The following OR8G5 variants were observed in gnomAD, a reference collection of about 807,000 sequenced individuals.
OR8G5 encodes the protein olfactory receptor family 8 subfamily G member 5.
For synonymous variants in OR8G5, 147 were observed against 147.7 expected (o/e 1.00, Z 0.03); for missense variants, 347 against 371.9 (o/e 0.93, Z 0.55).
chr11:124,258,793 A>G (rs1429383761), intron 1 of OR8G5, among the ~76,000 whole-genome samples: 1 of 152,082 alleles, frequency 6.6e-6, no homozygotes, highest in Non-Finnish European at 1.5e-5. Context: ...CCCAAGGACT[A>G]AACACCAGCA....
At position 124,265,727 on chromosome 11, in the gene OR8G5, A is replaced by G; in HGVS notation, c.796A>G (p.Ser266Gly). The G allele has an allele frequency of 6.2e-7, 1 of 1,614,060 alleles. No individual in the cohort carries two copies. The highest frequency in any genetic ancestry group is 8.5e-7 in the Non-Finnish European group (1 of 1,179,950). ...AFMYLQPSSV[S>G]SMDQGKVSSV... ...CATGTACCTGCAGCCATCATCTGTC[A>G]GCTCCATGGACCAGGGGAAAGTGTC... is the stretch of plus-strand genomic sequence containing the variant. Residue 266 changes from serine (S) to glycine (G), a missense_variant, in exon 2 of 2, where the codon AGC (serine) becomes GGC (glycine). Coordinates refer to ENST00000641992, the MANE Select transcript of OR8G5 (RefSeq NM_001005198.2).
Position 124,265,578 on chromosome 11 carries a change from G to GC in OR8G5, c.648dup (p.Ser217LeufsTer16). The GC allele has an allele frequency of 6.2e-7, 1 of 1,613,844 alleles. No individual in the cohort carries two copies. The highest frequency in any genetic ancestry group is 8.5e-7 in the Non-Finnish European group (1 of 1,179,850). On this transcript the variant is annotated frameshift_variant, in exon 2 of 2. Transcript: ENST00000641992. LOFTEE classifies it low-confidence loss of function (END_TRUNC). ...CTTGTCCCCAGCCTGACCATCCTCA[G>GC]CTCTTACATCTTCATCATTGCCAGC...
At position 124,266,062 on chromosome 11, in the gene OR8G5, G is replaced by A; in HGVS notation, c.*195G>A. The A allele has an allele frequency of 1.6e-6, 1 of 644,238 alleles. No homozygotes were observed. The highest frequency in any genetic ancestry group is 3.0e-5 in the East Asian group (1 of 33,192). The allele number at this position is 644,238 out of a possible 1,614,324, so 39.9% of individuals were successfully genotyped here. Reference sequence around the variant, plus strand: ...TTTTTTCTCTCATAAGGATTACGAAGACATGATATTTTCTTAGAAGAAATA... The same window carrying A: ...TTTTTTCTCTCATAAGGATTACGAAAACATGATATTTTCTTAGAAGAAATA... On this transcript the variant is annotated 3_prime_UTR_variant, in exon 2 of 2. Transcript: ENST00000641992.
At chr11:124,264,576 C>G (rs1041185614) in intron 1 of OR8G5, among the ~76,000 whole-genome samples, 10 of 152,136 alleles carry the variant, frequency 6.6e-5, no homozygotes, top group African/African-American at 1.9e-4. Flanking sequence ...TTGTTCTCCC[C>G]AAGTTGTCAC....
intron 1 of OR8G5, among the ~76,000 whole-genome samples, chr11:124,256,898 G>A (rs1861918917): frequency 6.6e-6 from 1 of 152,158 alleles, no homozygotes; most frequent in Non-Finnish European, 1.5e-5. Context: ...AATTTTCTGA[G>A]CATGCAGTAG....
chr11:124,262,726 T>C (rs1418078091), intron 1 of OR8G5, among the ~76,000 whole-genome samples: 1 of 151,882 alleles, frequency 6.6e-6, no homozygotes, highest in Non-Finnish European at 1.5e-5. Context: ...TACTCATCTG[T>C]TGATGAACAT....
chr11:124,259,189 G>T (rs994828886), intron 1 of OR8G5, among the ~76,000 whole-genome samples: 1 of 152,084 alleles, frequency 6.6e-6, no homozygotes, highest in African/African-American at 2.4e-5. Flanking sequence ...AGAGAGGTCA[G>T]ATCTCTAAAC....
intron 1 of OR8G5, among the ~76,000 whole-genome samples, chr11:124,260,998 A>T (rs1861965535): frequency 8.3e-6 from 1 of 120,576 alleles, no homozygotes; most frequent in South Asian, 3.0e-4. Context: ...CTTTCCAGCC[A>T]CCAGTGACTG....
At position 124,265,436 on chromosome 11, in the gene OR8G5, T is replaced by A; in HGVS notation, c.505T>A (p.Cys169Ser). Residue 169 changes from cysteine (C) to serine (S), a missense_variant, in exon 2 of 2, where the codon TGC (cysteine) becomes AGC (serine). By Grantham distance (112) the Cys-to-Ser change is moderately radical. Transcript: ENST00000641992. ...HIGCMFRVQF[C>S]KFDVINHYFC... Reference sequence around the variant, plus strand: ...AGGCTGTATGTTTAGGGTTCAATTCTGCAAATTTGATGTGATCAACCATTA... The same window carrying A: ...AGGCTGTATGTTTAGGGTTCAATTCAGCAAATTTGATGTGATCAACCATTA... 6.2e-7 allele frequency: 1 copy of A among 1,614,068 alleles called. No homozygotes were observed.
intron 1 of OR8G5, among the ~76,000 whole-genome samples, chr11:124,258,354 C>T (rs756069240): frequency 4.0e-5 from 6 of 151,894 alleles, no homozygotes; most frequent in Admixed American, 6.6e-5. Flanking sequence ...GTCAGGAGTT[C>T]GAGACTAGCC....
rs1862025483 is a variant in OR8G5 at position 124,265,853 on chromosome 11, A to T, written c.922A>T (p.Arg308Ter). Residue 308 changes from arginine (R) to a stop codon, truncating the protein, a stop_gained, in exon 2 of 2, where the codon AGA becomes TGA. Coordinates refer to ENST00000641992, the MANE Select transcript of OR8G5 (RefSeq NM_001005198.2). LOFTEE classifies it high-confidence loss of function. ...HVALKKTLGK[R>*]TFL ...TGCCCTGAAGAAAACGCTAGGGAAA[A>T]GAACATTCTTATGAACAGAAGTACA... 1 of 1,611,180 alleles carries T rather than the reference A, an allele frequency of 6.2e-7. No individual in the cohort carries two copies. Among genetic ancestry groups the T allele is most frequent in the East Asian group, 2.2e-5 (1 of 44,778 alleles).
intron 1 of OR8G5, among the ~76,000 whole-genome samples, chr11:124,261,248 C>G (rs1861968847): frequency 6.6e-6 from 1 of 151,700 alleles, no homozygotes; most frequent in Non-Finnish European, 1.5e-5. Context: ...AAAGTTTTAA[C>G]CTATAGTCAT....
At chr11:124,258,666 T>C (rs566974991) in intron 1 of OR8G5, among the ~76,000 whole-genome samples, 2 of 152,258 alleles carry the variant, frequency 1.3e-5, no homozygotes, top group Non-Finnish European at 2.9e-5. Context: ...GCCAACCTCA[T>C]AGTGCCCATA....
intron 1 of OR8G5, among the ~76,000 whole-genome samples, chr11:124,257,233 C>G (rs1053018365): frequency 1.3e-5 from 2 of 152,066 alleles, no homozygotes; most frequent in Non-Finnish European, 2.9e-5. Context: ...GAAGATGGAT[C>G]GTCATGCTGT....
At chr11:124,264,782 CT>C (rs1862010715) in intron 1 of OR8G5, 135 bp from the exon 2 acceptor site, 1 of 1,069,710 alleles carries the variant, frequency 9.3e-7, no homozygotes, top group Non-Finnish European at 1.4e-6. Flanking sequence ...TTACTACATG[CT>C]AAATTGGGAT....
chr11:124,260,155 T>C (rs1469728334), intron 1 of OR8G5, among the ~76,000 whole-genome samples: 2 of 149,690 alleles, frequency 1.3e-5, no homozygotes, highest in Admixed American at 6.8e-5. Context: ...AATTTGTTGA[T>C]ATATTTTTCA....
In OR8G5 at chr11:124,265,555, T is replaced by C. The variant is rs1862020109; in HGVS notation, c.624T>C (p.Leu208=). 6.2e-7 allele frequency: 1 copy of C among 1,613,944 alleles called. No homozygotes were observed. Among genetic ancestry groups the C allele is most frequent in the Non-Finnish European group, 8.5e-7 (1 of 1,179,862 alleles). The change falls in exon 2 of 2, where the codon CTT becomes CTC. Residue 208 remains leucine, a synonymous_variant. Transcript: ENST00000641992. The part of the protein sequence containing the change: ...LILIFSGINI[L]VPSLTILSSY... The stretch of plus-strand genomic sequence containing the variant: ...TAATCTTTAGTGGAATTAACATCCT[T>C]GTCCCCAGCCTGACCATCCTCAGCT...
Position 124,265,075 on chromosome 11 carries a change from G to A in OR8G5, c.144G>A (p.Leu48=), listed in dbSNP as rs545939544. The A allele has an allele frequency of 1.9e-6, 3 of 1,614,112 alleles. No individual in the cohort carries two copies. The highest frequency in any genetic ancestry group is 2.7e-5 in the African/African-American group (2 of 75,022). Residue 48 remains leucine (L), a synonymous_variant, in exon 2 of 2, where the codon CTG becomes CTA. Coordinates refer to ENST00000641992, the MANE Select transcript of OR8G5 (RefSeq NM_001005198.2). ...TGGGGAACCTGGGCATGATCACACTGATTGGGCTCAGTTCTCACCTGCACA... is the reference window on the plus strand; with the variant it reads ...TGGGGAACCTGGGCATGATCACACTAATTGGGCTCAGTTCTCACCTGCACA... ...TVLGNLGMIT[L]IGLSSHLHTP...
intron 1 of OR8G5, among the ~76,000 whole-genome samples, chr11:124,262,357 CAT>C (rs1180791703): frequency 5.3e-5 from 8 of 150,692 alleles, no homozygotes; most frequent in South Asian, 2.1e-4. Context: ...TTATGAAAAA[CAT>C]AATGTAAAAT....
Sources: gnomAD v4.1 joint callset for allele counts (sites outside exome capture counted in the v4.1 genomes callset) on GRCh38, gnomAD v4.1.1 for gene constraint, MANE v1.5 for transcripts, NCBI Gene and HGNC (gene_info 2026-07-23, HGNC 2026-07-21) for gene names.